ETS1: variants seen among roughly 807,000 people sequenced by gnomAD.
ETS1 encodes the protein protein C-ets-1.
ETS1 carries 15 observed loss-of-function variants against 58.6 expected under a neutral mutation model. The ratio of observed to expected loss-of-function variants is 0.26; its 90% CI spans 0.17 to 0.39. The LOEUF is 0.39. ETS1 is among the 10% of genes least tolerant of loss of function. The pLI is 1.00. For missense variants in ETS1, 417 were observed against 610.5 expected, an observed-to-expected ratio of 0.68 and a Z score of 3.34; for synonymous variants, 214 against 218.2, an observed-to-expected ratio of 0.98 and a Z score of 0.17.
intron 2 of ETS1, 87 bp from the exon 3 acceptor site, chr11:128,556,522 T>C: frequency 1.2e-6 from 1 of 862,342 alleles, no homozygotes; most frequent in South Asian, 2.0e-5. Flanking sequence ...TATTATCCAA[T>C]CACATGTAAG....
At chr11:128,525,181 C>T (rs763760280) in intron 3 of ETS1, among the ~76,000 whole-genome samples, 3 of 151,944 alleles carry the variant, frequency 2.0e-5, no homozygotes, top group African/African-American at 4.8e-5. Context: ...AATTGCCTTA[C>T]ACTAGGAACG....
intron 3 of ETS1, among the ~76,000 whole-genome samples, chr11:128,543,210 AT>A (rs1374781388): frequency 1.3e-5 from 2 of 151,738 alleles, no homozygotes; most frequent in Middle Eastern, 3.4e-3. Context: ...AAAAAAAAAA[AT>A]TATTTAAAGA....
intron 8 of ETS1, among the ~76,000 whole-genome samples, chr11:128,469,256 C>G (rs1239259033): frequency 2.0e-5 from 3 of 152,234 alleles, no homozygotes; most frequent in South Asian, 4.1e-4. Flanking sequence ...TTATTTTAAC[C>G]TATGAAACTC....
chr11:128,539,297 T>C (rs1471544360), intron 3 of ETS1, among the ~76,000 whole-genome samples: 2 of 152,226 alleles, frequency 1.3e-5, no homozygotes, highest in African/African-American at 2.4e-5. Flanking sequence ...TTGTAAATTA[T>C]ATGCCCGATA....
intron 3 of ETS1, among the ~76,000 whole-genome samples, chr11:128,544,608 C>T (rs1162668921): frequency 6.6e-6 from 1 of 151,878 alleles, no homozygotes; most frequent in East Asian, 1.9e-4. Context: ...TAAAGAAATG[C>T]TTTTCCTAAA....
chr11:128,520,487 C>T (rs1863636996), intron 3 of ETS1, among the ~76,000 whole-genome samples: 1 of 152,200 alleles, frequency 6.6e-6, no homozygotes, highest in Non-Finnish European at 1.5e-5. Context: ...TATCTTTTCA[C>T]TTCTATATAT....
At chr11:128,555,999 C>A (rs1204822966) in intron 3 of ETS1, among the ~76,000 whole-genome samples, 1 of 152,198 alleles carries the variant, frequency 6.6e-6, no homozygotes, top group Non-Finnish European at 1.5e-5. Flanking sequence ...AACTTCTAGG[C>A]TCTCTGACAA....
At position 128,568,930 on chromosome 11, in the gene ETS1, C is replaced by A. The variant is rs562872789; in HGVS notation, c.69+4132G>T. Among the ~76,000 whole-genome samples, 3 of 152,362 alleles carry A rather than the reference C, an allele frequency of 2.0e-5. No individual in the cohort carries two copies. In the South Asian group the frequency reaches 6.2e-4, roughly 32 times the overall value. On this transcript the variant is annotated intron_variant, in intron 2 of 9. Transcript: ENST00000392668. ...CCCTCGGAGCAGGAACACAGTCTTA[C>A]TTTCTTTTGTTAGATTTCCCTTTCT...
At chr11:128,569,100 T>C (rs1013396446) in intron 2 of ETS1, among the ~76,000 whole-genome samples, 2 of 152,154 alleles carry the variant, frequency 1.3e-5, no homozygotes, top group African/African-American at 4.8e-5. Flanking sequence ...GATAATTGTT[T>C]GTCATAGGAG....
At chr11:128,512,460 CT>C (rs1318922157) in intron 3 of ETS1, among the ~76,000 whole-genome samples, 1 of 152,226 alleles carries the variant, frequency 6.6e-6, no homozygotes, top group African/African-American at 2.4e-5. Context: ...TGCGACAGAC[CT>C]TTCTCAAAAT....
chr11:128,510,517 AC>A (rs1863363679), intron 3 of ETS1, among the ~76,000 whole-genome samples: 1 of 152,170 alleles, frequency 6.6e-6, no homozygotes, highest in South Asian at 2.1e-4. Context: ...CTTAGGCCTG[AC>A]CCAAAACTAT....
chr11:128,476,740 A>G (rs938133514), intron 8 of ETS1, among the ~76,000 whole-genome samples: 22 of 152,256 alleles, frequency 1.4e-4, no homozygotes, highest in African/African-American at 5.1e-4. Context: ...TTGTAATTAG[A>G]AGGGGTTCAT....
chr11:128,489,180 T>C (rs1862724622), intron 5 of ETS1, 110 bp downstream of exon 5: 1 of 870,928 alleles, frequency 1.1e-6, no homozygotes. Flanking sequence ...CGTCCTACAG[T>C]AGGACACCCA....
At chr11:128,552,044 C>T (rs1864237661) in intron 3 of ETS1, among the ~76,000 whole-genome samples, 1 of 151,954 alleles carries the variant, frequency 6.6e-6, no homozygotes, top group South Asian at 2.1e-4. Flanking sequence ...GTTTCTGCTT[C>T]GATAAGTCTG....
Position 128,569,318 on chromosome 11 carries a change from CTTTTTTTT to C in ETS1, c.69+3736_69+3743del, listed in dbSNP as rs398018017. 1.8e-4 allele frequency among the ~76,000 whole-genome samples: 7 copies of C among 39,462 alleles called. 2 individuals are homozygous for C. Among genetic ancestry groups the C allele is most frequent in the Non-Finnish European group, 2.7e-4 (6 of 22,442 alleles). 25.9% of individuals were successfully genotyped at this position (39,462 alleles called of 152,430 possible). ...TACCATACATGGGACAGAGTTTCTT[CTTTTTTTT>C]TTTTTTTTTTTTTTTTGGTGTGTCA... is the stretch of plus-strand genomic sequence containing the variant. On this transcript the variant is annotated intron_variant, in intron 2 of 9. Coordinates refer to ENST00000392668, the MANE Select transcript of ETS1 (RefSeq NM_001143820.2).
chr11:128,472,686 G>C (rs1862218191), intron 8 of ETS1, among the ~76,000 whole-genome samples: 1 of 152,162 alleles, frequency 6.6e-6, no homozygotes, highest in South Asian at 2.1e-4. Context: ...ACCCCTGTGA[G>C]ACACAGAGCT....
chr11:128,567,304 G>A (rs1444122380), intron 2 of ETS1, among the ~76,000 whole-genome samples: 1 of 152,178 alleles, frequency 6.6e-6, no homozygotes, highest in Non-Finnish European at 1.5e-5. Flanking sequence ...CCCTCCCAAG[G>A]TGACATCCAG....
chr11:128,585,125 AAGAAAGAAAGAAAAG>A lies in ETS1; in HGVS notation c.-15+2348_-15+2362del, dbSNP rs1336062563. 2.1e-3 allele frequency among the ~76,000 whole-genome samples: 12 copies of A among 5,612 alleles called. 3 individuals carry two copies. The highest frequency in any genetic ancestry group is 0.017 in the South Asian group (5 of 298). The allele number at this position is 5,612 out of a possible 152,430, so 3.7% of individuals were successfully genotyped here. A position where few individuals can be genotyped will look rare whatever the true frequency, so the allele number is the denominator to read the frequency against. The stretch of plus-strand genomic sequence containing the variant: ...AAAGGAAGGAAGGAAGGAAAGAAAG[AAGAAAGAAAGAAAAG>A]AAAGAAAGAAAGAAAGAAAGAAAGA... On this transcript the variant is annotated intron_variant, in intron 1 of 9. Transcript: ENST00000392668.
intron 3 of ETS1, among the ~76,000 whole-genome samples, chr11:128,552,107 C>T (rs1009068181): frequency 6.6e-6 from 1 of 152,096 alleles, no homozygotes; most frequent in African/African-American, 2.4e-5. Flanking sequence ...GATAGTGATG[C>T]TGCTGGTCTG....
Sources: allele counts gnomAD v4.1 joint callset (sites outside exome capture counted in the v4.1 genomes callset), GRCh38; gene constraint gnomAD v4.1.1; transcripts MANE v1.5; gene names NCBI Gene and HGNC (gene_info 2026-07-23, HGNC 2026-07-21).